Variants in TTC28 observed in about 807,000 individuals in gnomAD.
TTC28 encodes tetratricopeptide repeat protein 28.
TTC28 carries 61 observed loss-of-function variants against 198.0 expected under a neutral mutation model. The ratio of observed to expected loss-of-function variants is 0.31; its 90% confidence interval spans 0.25 to 0.38. The LOEUF (loss-of-function observed/expected upper bound fraction) is 0.38, where lower values mean the gene tolerates loss of function less well. TTC28 is among the 10% of genes least tolerant of loss of function. The pLI is 1.00. For synonymous variants in TTC28, 1,171 were observed against 1,297.8 expected (o/e 0.90, Z 2.10); for missense variants, 2,678 against 3,164.0 (o/e 0.85, Z 3.69).
chr22:28,170,471 A>T (rs1922553230), intron 5 of TTC28, among the ~76,000 whole-genome samples: 1 of 150,510 alleles, frequency 6.6e-6, no homozygotes, highest in South Asian at 2.1e-4. Context: ...CCCGGGTGAC[A>T]GAGCGAGACT....
rs75102708 is a variant in TTC28 at position 28,020,349 on chromosome 22, T to C, written c.4074-5957A>G. Among the ~76,000 whole-genome samples the C allele has an allele frequency of 3.0e-4, 46 of 152,344 alleles. No individual in the cohort carries two copies. In the East Asian group the frequency reaches 8.5e-3, roughly 28 times the overall value. On this transcript the variant is annotated intron_variant, in intron 13 of 22. Coordinates refer to ENST00000397906, the MANE Select transcript of TTC28 (RefSeq NM_001145418.2). ...ATTCTTCAGATGATGTTTATTAACC[T>C]ACTTCGGGAACATTTTCATTTTCTC...
intron 2 of TTC28, among the ~76,000 whole-genome samples, chr22:28,604,183 C>G (rs899344085): frequency 8.0e-5 from 12 of 150,738 alleles, no homozygotes; most frequent in African/African-American, 2.9e-4. Flanking sequence ...GAGGCTGAGG[C>G]AGGAGAATCT....
At chr22:28,262,920 A>C (rs748765538) in intron 5 of TTC28, among the ~76,000 whole-genome samples, 2 of 152,180 alleles carry the variant, frequency 1.3e-5, no homozygotes, top group Admixed American at 6.5e-5. Context: ...CCAAGAACAG[A>C]GTGGAAGCGA....
intron 2 of TTC28, among the ~76,000 whole-genome samples, chr22:28,591,040 CATATATAT>C (rs377761638): frequency 0.01 from 316 of 30,658 alleles, 3 homozygotes; most frequent in Non-Finnish European, 0.011. Flanking sequence ...CACACACACA[CATATATAT>C]ATATATATAT....
At chr22:28,659,531 G>A (rs1284227804) in intron 1 of TTC28, among the ~76,000 whole-genome samples, 1 of 151,990 alleles carries the variant, frequency 6.6e-6, no homozygotes, top group African/African-American at 2.4e-5. Context: ...GCCTCCCAAA[G>A]TGCCAGGATT....
intron 2 of TTC28, among the ~76,000 whole-genome samples, chr22:28,575,402 A>G (rs2146038171): frequency 6.6e-6 from 1 of 152,136 alleles, no homozygotes; most frequent in East Asian, 1.9e-4. Context: ...TTAGGCCAGT[A>G]CCATGCTATT....
At chr22:28,297,502 A>G in intron 4 of TTC28, 78 bp downstream of exon 4, 2 of 1,463,168 alleles carry the variant, frequency 1.4e-6, no homozygotes, top group Non-Finnish European at 1.8e-6. Context: ...TTTTCATTGC[A>G]TATTATTCTC....
intron 2 of TTC28, among the ~76,000 whole-genome samples, chr22:28,426,020 G>A (rs1241806052): frequency 1.3e-5 from 2 of 152,024 alleles, no homozygotes; most frequent in Non-Finnish European, 2.9e-5. Context: ...AGACCAGCCT[G>A]GCCAACATGG....
chr22:28,362,847 T>C (rs1017503895), intron 2 of TTC28, among the ~76,000 whole-genome samples: 1 of 152,068 alleles, frequency 6.6e-6, no homozygotes, highest in Non-Finnish European at 1.5e-5. Context: ...TGGAAGAAAT[T>C]TCTAAGCAGC....
At chr22:28,653,215 T>C (rs1364178101) in intron 1 of TTC28, among the ~76,000 whole-genome samples, 1 of 152,024 alleles carries the variant, frequency 6.6e-6, no homozygotes, top group Non-Finnish European at 1.5e-5. Context: ...AAAATAAACA[T>C]ACCATATGCT....
intron 5 of TTC28, among the ~76,000 whole-genome samples, chr22:28,215,140 G>T (rs1371201383): frequency 6.6e-6 from 1 of 152,196 alleles, no homozygotes; most frequent in Non-Finnish European, 1.5e-5. Flanking sequence ...GGTGGGGTTG[G>T]GGGAGGGGAG....
intron 5 of TTC28, among the ~76,000 whole-genome samples, chr22:28,179,554 C>T (rs1226281492): frequency 3.3e-5 from 5 of 152,104 alleles, no homozygotes; most frequent in African/African-American, 2.4e-5. Context: ...CAGGTGTGGG[C>T]AGCTATGTGA....
chr22:28,191,461 G>T (rs555105845), intron 5 of TTC28, among the ~76,000 whole-genome samples: 2 of 152,240 alleles, frequency 1.3e-5, no homozygotes, highest in Admixed American at 6.5e-5. Flanking sequence ...TGGGTGCAGC[G>T]CACCGAGCGT....
chr22:28,312,120 G>A (rs2045269695), intron 2 of TTC28, among the ~76,000 whole-genome samples: 1 of 151,436 alleles, frequency 6.6e-6, no homozygotes, highest in African/African-American at 2.4e-5. Flanking sequence ...GACAAAGAAG[G>A]CCATTACATA....
At chr22:28,065,526 A>G (rs1940716180) in intron 12 of TTC28, among the ~76,000 whole-genome samples, 1 of 152,194 alleles carries the variant, frequency 6.6e-6, no homozygotes, top group African/African-American at 2.4e-5. Flanking sequence ...AAAACACCCT[A>G]TAAGGCCAAA....
At chr22:28,483,358 T>G (rs2048278297) in intron 2 of TTC28, among the ~76,000 whole-genome samples, 1 of 152,118 alleles carries the variant, frequency 6.6e-6, no homozygotes, top group Non-Finnish European at 1.5e-5. Flanking sequence ...CTATTTTATA[T>G]AGGGTGGTCA....
In TTC28 at chr22:27,998,402, A is replaced by G. The variant is rs1019148808; in HGVS notation, c.5119+138T>C. The G allele has an allele frequency of 2.2e-6, 3 of 1,351,884 alleles. No individual in the cohort carries two copies. In the African/African-American group the frequency reaches 4.4e-5, roughly 20 times the overall value. The allele number at this position is 1,351,884 out of a possible 1,614,324, so 83.7% of individuals were successfully genotyped here. A position where few individuals can be genotyped will look rare whatever the true frequency, so the allele number is the denominator to read the frequency against. On this transcript the variant is annotated intron_variant, in intron 16 of 22. Coordinates refer to ENST00000397906, the MANE Select transcript of TTC28 (RefSeq NM_001145418.2). ...TTGGCAGAAGCAAGACTCAGCACAC[A>G]GGCTCTCTCCCTGAGTCTTCTGTGG...
chr22:28,414,953 A>G (rs559216848), intron 2 of TTC28, among the ~76,000 whole-genome samples: 2 of 152,344 alleles, frequency 1.3e-5, no homozygotes, highest in Non-Finnish European at 2.9e-5. Context: ...TCTACTTTTA[A>G]TATTTTAATC....
intron 5 of TTC28, among the ~76,000 whole-genome samples, chr22:28,228,696 TCAAAAA>T (rs1416860620): frequency 1.3e-5 from 2 of 151,462 alleles, no homozygotes; most frequent in Admixed American, 6.6e-5. Context: ...CAGGACTCCA[TCAAAAA>T]CAAAAACAAA....
Sources: gnomAD v4.1 joint callset for allele counts (sites outside exome capture counted in the v4.1 genomes callset) on GRCh38, gnomAD v4.1.1 for gene constraint, MANE v1.5 for transcripts, NCBI Gene and HGNC (gene_info 2026-07-23, HGNC 2026-07-21) for gene names.